The following A2M variants were observed in gnomAD, a reference collection of about 807,000 sequenced individuals.
A2M encodes the protein alpha-2-macroglobulin.
Under a neutral mutation model 183.9 loss-of-function variants are expected in A2M, and 128 were observed. The ratio of observed to expected loss-of-function variants is 0.70; its 90% CI spans 0.60 to 0.81. A2M has a LOEUF of 0.81. A2M is among the 30% of genes least tolerant of loss of function. The pLI, the probability that A2M is intolerant of heterozygous loss-of-function variation, is 0.00. For synonymous variants in A2M, 592 were observed against 670.8 expected, an observed-to-expected ratio of 0.88 and a Z score of 1.81; for missense variants, 1,495 against 1,787.6, an observed-to-expected ratio of 0.84 and a Z score of 2.95.
intron 33 of A2M, among the ~76,000 whole-genome samples, chr12:9,069,362 G>A (rs190316799): frequency 1.2e-4 from 18 of 152,256 alleles, no homozygotes; most frequent in Non-Finnish European, 2.4e-4. Context: ...AAGTCCTTGT[G>A]GAGACTGACA....
intron 11 of A2M, among the ~76,000 whole-genome samples, chr12:9,101,917 A>G (rs1413182963): frequency 6.6e-6 from 1 of 152,124 alleles, no homozygotes; most frequent in African/African-American, 2.4e-5. Flanking sequence ...GCATAAAAGG[A>G]GGCATCCTTT....
intron 22 of A2M, among the ~76,000 whole-genome samples, chr12:9,083,431 T>C (rs755748847): frequency 6.6e-6 from 1 of 151,504 alleles, no homozygotes; most frequent in South Asian, 2.1e-4. Flanking sequence ...TTAGCTAATA[T>C]TGTAAAATAA....
intron 2 of A2M, 92 bp downstream of exon 2, chr12:9,113,267 AC>A: frequency 7.2e-7 from 1 of 1,390,368 alleles, no homozygotes; most frequent in Non-Finnish European, 9.8e-7. Context: ...TGCAGTTCTT[AC>A]CAACCTCCCA....
chr12:9,088,138 T>C (rs1032745280), intron 22 of A2M, among the ~76,000 whole-genome samples: 2 of 152,150 alleles, frequency 1.3e-5, no homozygotes, highest in Admixed American at 6.5e-5. Flanking sequence ...GTTTATTATA[T>C]GTAAATCACA....
In A2M at chr12:9,089,978, T is replaced by C. The variant is rs760015078; in HGVS notation, c.2642A>G (p.Glu881Gly). Reference protein sequence around the residue: ...TVSAEALESQELCGTEVPSVP... With the variant: ...TVSAEALESQGLCGTEVPSVP... The stretch of plus-strand genomic sequence containing the variant: ...TGAAGGCACCTCAGTCCCACACAGC[T>C]CTTGAGACTCTAGTGCCTCTGCGCT... The change falls in exon 21 of 36, where the codon GAG becomes GGG. Residue 881 changes from glutamate to glycine, a missense_variant. Glu to Gly is a moderately conservative substitution (Grantham distance 98, BLOSUM62 -2). Coordinates refer to ENST00000318602, the MANE Select transcript of A2M (RefSeq NM_000014.6). 9 of 1,609,376 alleles carry C rather than the reference T, an allele frequency of 5.6e-6. No individual in the cohort carries two copies. In the African/African-American group the frequency reaches 1.1e-4, roughly 19 times the overall value.
rs189749693 is a variant in A2M, at chr12:9,069,955, A to G, written c.4195-142T>C. The G allele has an allele frequency of 1.5e-5, 10 of 667,826 alleles. No individual in the cohort carries two copies. The East Asian group carries it at 2.7e-4, about 18-fold the overall frequency. The allele number at this position is 667,826 out of a possible 1,614,324, so 41.4% of individuals were successfully genotyped here. On this transcript the variant is annotated intron_variant, in intron 32 of 35. Coordinates refer to ENST00000318602, the MANE Select transcript of A2M (RefSeq NM_000014.6). ...TTTGTAAGGAAATATATAATGTAAT[A>G]CAATTAAAAATGAAAGGCATAAAGG...
intron 22 of A2M, among the ~76,000 whole-genome samples, chr12:9,080,722 A>T (rs1948886387): frequency 6.6e-6 from 1 of 152,216 alleles, no homozygotes; most frequent in Non-Finnish European, 1.5e-5. Context: ...ACAGTATTTG[A>T]TGCATTGAAA....
intron 11 of A2M, among the ~76,000 whole-genome samples, chr12:9,102,390 A>G (rs1309859756): frequency 3.3e-5 from 5 of 151,928 alleles, no homozygotes; most frequent in African/African-American, 1.2e-4. Flanking sequence ...AATTTTTTGT[A>G]TATTTTGTAG....
Position 9,106,241 on chromosome 12 carries a change from CAA to C in A2M, c.1097_1098del (p.Phe366TrpfsTer16). 2 of 1,603,392 alleles carry C rather than the reference CAA, an allele frequency of 1.2e-6. No homozygotes were observed. Among genetic ancestry groups the C allele is most frequent in the Non-Finnish European group, 1.7e-6 (2 of 1,170,486 alleles). On this transcript the variant is annotated frameshift_variant, in exon 10 of 36. Coordinates refer to ENST00000318602, the MANE Select transcript of A2M (RefSeq NM_000014.6). LOFTEE classifies it high-confidence loss of function. The stretch of plus-strand genomic sequence containing the variant: ...TGAACTGGAAAATACTCCACCTGCC[CAA>C]AGAAGGGAATTCCCTGTCGAAAGTG... ...DSHFRQGIPF[F>X]GQVRLVDGKG...
At chr12:9,109,049 T>TGA (rs1032926463) in intron 7 of A2M, among the ~76,000 whole-genome samples, 1 of 152,050 alleles carries the variant, frequency 6.6e-6, no homozygotes, top group African/African-American at 2.4e-5. Context: ...TGTGTGTGTG[T>TGA]GTGCAGTTTT....
At chr12:9,096,442 A>G (rs1178372908) in intron 15 of A2M, among the ~76,000 whole-genome samples, 1 of 152,220 alleles carries the variant, frequency 6.6e-6, no homozygotes, top group Admixed American at 6.5e-5. Context: ...AGCAAAGTTA[A>G]TGGGTGCATG....
chr12:9,093,644 T>C (rs747205190), intron 17 of A2M, 65 bp from the exon 18 acceptor site: 36 of 853,182 alleles, frequency 4.2e-5, no homozygotes, highest in Non-Finnish European at 5.8e-5. Context: ...GAGAATGTAA[T>C]AGTTGCCACC....
intron 13 of A2M, among the ~76,000 whole-genome samples, chr12:9,100,193 A>G (rs913821492): frequency 5.3e-5 from 8 of 152,216 alleles, no homozygotes; most frequent in South Asian, 2.1e-4. Context: ...TTCATAAATC[A>G]TAACTATCTT....
chr12:9,069,507 T>C (rs1805665), intron 33 of A2M, among the ~76,000 whole-genome samples: 22,655 of 152,224 alleles, frequency 0.15, 1,776 homozygotes, highest in African/African-American at 0.18. Flanking sequence ...TTGTGAAGAT[T>C]TCTTGCTTAT....
At chr12:9,070,716 A>G in intron 31 of A2M, 138 bp from the exon 32 acceptor site, 1 of 626,472 alleles carries the variant, frequency 1.6e-6, no homozygotes, top group Non-Finnish European at 2.8e-6. Context: ...GTGGTTTGTA[A>G]AAGTGGTGTG....
chr12:9,082,250 C>G (rs1948929427), intron 22 of A2M, among the ~76,000 whole-genome samples: 1 of 152,196 alleles, frequency 6.6e-6, no homozygotes, highest in Non-Finnish European at 1.5e-5. Flanking sequence ...ACAACTCTAC[C>G]TAACCTCACA....
At chr12:9,086,130 T>C (rs1211895809) in intron 22 of A2M, among the ~76,000 whole-genome samples, 1 of 152,162 alleles carries the variant, frequency 6.6e-6, no homozygotes. Context: ...AGGAATACTT[T>C]CAAGCTCATT....
Position 9,072,407 on chromosome 12 carries a change from C to A in A2M, c.4055G>T (p.Cys1352Phe), listed in dbSNP as rs1384064081. 6.2e-7 allele frequency: 1 copy of A among 1,613,744 alleles called. No homozygotes were observed. Among genetic ancestry groups the A allele is most frequent in the Non-Finnish European group, 8.5e-7 (1 of 1,179,872 alleles). ...GCTGGTGTGGGCTTTGGGTTCATCA[C>A]AAGTTTGAGGCAGAGTCTGCACTCC... The part of the protein sequence containing the change: ...ALGVQTLPQT[C>F]DEPKAHTSFQ... Residue 1352 changes from cysteine (C) to phenylalanine (F), a missense_variant, in exon 31 of 36, where the codon TGT becomes TTT. Transcript: ENST00000318602.
Position 9,101,539 on chromosome 12 carries a change from G to T in A2M, c.1402C>A (p.Leu468Ile), listed in dbSNP as rs202178042. 2.2e-5 allele frequency: 36 copies of T among 1,614,016 alleles called. No individual in the cohort carries two copies. The East Asian group carries it at 7.4e-4, about 33-fold the overall frequency. The change falls in exon 12 of 36, where the codon CTA becomes ATA. Residue 468 changes from leucine to isoleucine, a missense_variant. Coordinates refer to ENST00000318602, the MANE Select transcript of A2M (RefSeq NM_000014.6). ...FVHLEPMSHE[L>I]PCGHTQTVQA... The stretch of plus-strand genomic sequence containing the variant: ...ACTGTCTGAGTATGGCCACAGGGTA[G>T]TTCATGAGACATGGGCTCAAGGTGG...
Sources: gnomAD v4.1 joint callset for allele counts (sites outside exome capture counted in the v4.1 genomes callset) on GRCh38, gnomAD v4.1.1 for gene constraint, MANE v1.5 for transcripts, NCBI Gene and HGNC (gene_info 2026-07-23, HGNC 2026-07-21) for gene names.